The following LRP2 variants were observed in gnomAD, a reference collection of about 807,000 sequenced individuals.
LRP2 encodes the protein LDL receptor related protein 2, also known as low-density lipoprotein receptor-related protein 2.
In LRP2, 172 loss-of-function variants were observed where a neutral mutation model predicts 531.0. The ratio of observed to expected loss-of-function variants is 0.32; its 90% confidence interval spans 0.29 to 0.37. LRP2 has a LOEUF of 0.37. Ranked by LOEUF, LRP2 falls within the 10% of genes least tolerant of loss-of-function variation. LRP2 has a pLI of 1.00. For missense variants in LRP2, 5,167 were observed against 5,868.3 expected (o/e 0.88, Z 3.90); for synonymous variants, 1,992 against 2,027.6 (o/e 0.98, Z 0.47).
intron 58 of LRP2, among the ~76,000 whole-genome samples, chr2:169,171,384 G>A (rs1687000914): frequency 6.6e-6 from 1 of 152,154 alleles, no homozygotes; most frequent in African/African-American, 2.4e-5. Flanking sequence ...CACATTGAGT[G>A]TGTTCTGACC....
chr2:169,357,581 C>A (rs543415830), intron 1 of LRP2, among the ~76,000 whole-genome samples: 1 of 152,030 alleles, frequency 6.6e-6, no homozygotes, highest in African/African-American at 2.4e-5. Context: ...CCTCCCGCCT[C>A]AGCATCCCAA....
Position 169,202,842 on chromosome 2 carries a change from G to A in LRP2, c.8123C>T (p.Ser2708Phe), listed in dbSNP as rs765246382. The A allele has an allele frequency of 9.1e-5, 147 of 1,614,030 alleles. No homozygotes were observed. The highest frequency in any genetic ancestry group is 1.2e-4 in the Non-Finnish European group (143 of 1,180,018). Residue 2708 changes from serine to phenylalanine, a missense_variant, in exon 43 of 79, where the codon TCC (serine) becomes TTC (phenylalanine). This residue lies in a region of LRP2 where 1,129 missense variants were observed against 1,362.7 expected (regional missense o/e 0.83). Transcript: ENST00000649046. ...ERCGASSFTC[S>F]NGRCISEEWK... ...CTCTTCCGAGATGCAGCGCCCATTG[G>A]AGCAGGTGAAGGAAGATGCACCACA...
chr2:169,334,574 C>T (rs1408636887), intron 1 of LRP2, among the ~76,000 whole-genome samples: 1 of 151,952 alleles, frequency 6.6e-6, no homozygotes, highest in Admixed American at 6.6e-5. Context: ...AATAAGAATA[C>T]CAATGGAAAA....
intron 50 of LRP2, among the ~76,000 whole-genome samples, chr2:169,184,425 T>C (rs1400733480): frequency 6.6e-6 from 1 of 151,860 alleles, no homozygotes; most frequent in African/African-American, 2.4e-5. Flanking sequence ...CTTAAGGGAG[T>C]CAAATATAAG....
chr2:169,207,336 A>G (rs1372541453), intron 38 of LRP2, 86 bp from the exon 39 acceptor site: 3 of 926,138 alleles, frequency 3.2e-6, no homozygotes, highest in African/African-American at 1.6e-5. Context: ...AACAAAATAT[A>G]TAAGGTTGAA....
chr2:169,167,056 C>G (rs1686812951), intron 61 of LRP2, among the ~76,000 whole-genome samples: 1 of 152,186 alleles, frequency 6.6e-6, no homozygotes, highest in African/African-American at 2.4e-5. Flanking sequence ...TATTATAAAA[C>G]AGTATTGGAA....
Position 169,204,287 on chromosome 2 carries a change from A to G in LRP2, c.7716-16T>C. 6.2e-7 allele frequency: 1 copy of G among 1,608,452 alleles called. No individual in the cohort carries two copies. Among genetic ancestry groups the G allele is most frequent in the Non-Finnish European group, 8.5e-7 (1 of 1,179,864 alleles). On this transcript the variant is annotated splice_polypyrimidine_tract_variant and intron_variant, in intron 41 of 78. Coordinates refer to ENST00000649046, the MANE Select transcript of LRP2 (RefSeq NM_004525.3). ...AATCCTCTGCCTAAAATGAAGCAAA[A>G]AAAAATTTAGAAGTTGAAATCTCAA... is the stretch of plus-strand genomic sequence containing the variant.
intron 1 of LRP2, among the ~76,000 whole-genome samples, chr2:169,334,374 T>C (rs1050264357): frequency 2.0e-5 from 3 of 152,112 alleles, no homozygotes; most frequent in African/African-American, 7.2e-5. Context: ...ACAAAGGCAA[T>C]TAAAGAAAAT....
At chr2:169,143,971 G>A (rs541978214) in intron 70 of LRP2, among the ~76,000 whole-genome samples, 16 of 152,000 alleles carry the variant, frequency 1.1e-4, no homozygotes, top group East Asian at 1.9e-4. Context: ...CCATTTCGTC[G>A]GCCCTCCAGA....
intron 77 of LRP2, among the ~76,000 whole-genome samples, chr2:169,131,921 T>C (rs561531471): frequency 3.9e-5 from 6 of 152,242 alleles, no homozygotes; most frequent in Non-Finnish European, 7.3e-5. Context: ...AATATATTTA[T>C]TGAATTTCTT....
At chr2:169,198,709 C>T in intron 45 of LRP2, 77 bp downstream of exon 45, 1 of 1,553,348 alleles carries the variant, frequency 6.4e-7, no homozygotes, top group South Asian at 1.1e-5. Context: ...CCCGAATACC[C>T]ACGCTTCATA....
chr2:169,161,111 C>G (rs1207647256), intron 63 of LRP2, among the ~76,000 whole-genome samples: 3 of 152,156 alleles, frequency 2.0e-5, no homozygotes, highest in African/African-American at 7.2e-5. Context: ...CTGGAGAGGT[C>G]AGTATGTGCC....
chr2:169,282,464 C>T (rs965532436), intron 10 of LRP2, among the ~76,000 whole-genome samples: 1 of 152,256 alleles, frequency 6.6e-6, no homozygotes, highest in East Asian at 1.9e-4. Flanking sequence ...TTGGAAATAT[C>T]CCTAAATTTT....
At chr2:169,138,224 A>T (rs1408997826) in intron 75 of LRP2, among the ~76,000 whole-genome samples, 2 of 152,110 alleles carry the variant, frequency 1.3e-5, no homozygotes. Flanking sequence ...ATAGTTCCCT[A>T]CTCCTTTTAT....
At chr2:169,257,508 C>T (rs535397497) in intron 17 of LRP2, among the ~76,000 whole-genome samples, 215 of 152,130 alleles carry the variant, frequency 1.4e-3, no homozygotes, top group African/African-American at 4.9e-3. Flanking sequence ...AGTTTAGGAA[C>T]TAAAACTATT....
In LRP2 at chr2:169,275,038, T is replaced by A. The variant is rs111360923; in HGVS notation, c.1973A>T (p.Tyr658Phe). ...GTTACCACTGCTCTGAGGCTTACCA[T>A]AGGGCTGTCTGAGGGAATGGTAAAC... is the stretch of plus-strand genomic sequence containing the variant. ...VTVYHSLRQPYATNPCKDNNG... is the reference protein window; with the variant it reads ...VTVYHSLRQPFATNPCKDNNG... The change falls in exon 14 of 79, where the codon TAT becomes TTT. Residue 658 changes from tyrosine to phenylalanine, a missense_variant and splice_region_variant. By Grantham distance (22) the Tyr-to-Phe change is conservative. Transcript: ENST00000649046. 5.6e-6 allele frequency: 9 copies of A among 1,613,302 alleles called. No individual in the cohort carries two copies. The highest frequency in any genetic ancestry group is 7.6e-6 in the Non-Finnish European group (9 of 1,179,632).
In LRP2 at chr2:169,188,086, G is replaced by A. The variant is rs377405517; in HGVS notation, c.9212C>T (p.Pro3071Leu). 1.2e-6 allele frequency: 2 copies of A among 1,614,006 alleles called. No homozygotes were observed. Among genetic ancestry groups the A allele is most frequent in the African/African-American group, 2.7e-5 (2 of 74,894 alleles). Residue 3071 changes from proline (P) to leucine (L), a missense_variant, in exon 49 of 79, where the codon CCA becomes CTA. Pro to Leu is a moderately conservative substitution (Grantham distance 98). Coordinates refer to ENST00000649046, the MANE Select transcript of LRP2 (RefSeq NM_004525.3). ...SDELMHLCHT[P>L]EPTCPPHEFK... ...CTCGTGAGGTGGACACGTGGGTTCT[G>A]GGGTGTGGCACAGGTGCATCAGCTC... is the stretch of plus-strand genomic sequence containing the variant.
At chr2:169,164,632 G>T (rs537535797) in intron 62 of LRP2, among the ~76,000 whole-genome samples, 2 of 152,274 alleles carry the variant, frequency 1.3e-5, no homozygotes, top group African/African-American at 2.4e-5. Flanking sequence ...ATGTGTCCCT[G>T]ATGGCATAAT....
At chr2:169,195,691 T>A (rs1687981427) in intron 46 of LRP2, among the ~76,000 whole-genome samples, 1 of 152,176 alleles carries the variant, frequency 6.6e-6, no homozygotes, top group South Asian at 2.1e-4. Flanking sequence ...TTTGAAACAA[T>A]CTCTAAGACT....
Sources: gnomAD v4.1 joint callset for allele counts (sites outside exome capture counted in the v4.1 genomes callset) on GRCh38, gnomAD v4.1.1 for gene constraint, gnomAD v4.1.1 regional missense constraint, MANE v1.5 for transcripts, NCBI Gene and HGNC (gene_info 2026-07-23, HGNC 2026-07-21) for gene names.